TBL1Y: variants seen among roughly 807,000 people sequenced by gnomAD.
The protein encoded by TBL1Y is transducin beta like 1 Y-linked, also known as F-box-like/WD repeat-containing protein TBL1Y.
Under a neutral mutation model 12.0 loss-of-function variants are expected in TBL1Y, and 15 were observed. The observed-to-expected ratio is 1.25, with a 90% CI of 0.83 to 1.92. The LOEUF is 1.92. TBL1Y is among the 40% of genes most tolerant of loss of function. The pLI is 0.00. For missense variants in TBL1Y, 148 were observed against 116.7 expected, an observed-to-expected ratio of 1.27 and a Z score of -1.24; for synonymous variants, 53 against 42.6, an observed-to-expected ratio of 1.24 and a Z score of -0.95.
chrY:7,049,380 C>T (rs2012781989), intron 7 of TBL1Y, among the ~76,000 whole-genome samples: 1 of 33,469 alleles, frequency 3.0e-5, no homozygotes, highest in Admixed American at 2.7e-4. Flanking sequence ...ATATATAATC[C>T]TTTCTGAATA....
At chrY:6,964,485 G>C in intron 2 of TBL1Y, among the ~76,000 whole-genome samples, 1 of 33,308 alleles carries the variant, frequency 3.0e-5, no homozygotes, top group East Asian at 8.0e-4. Context: ...TTGATTGTTG[G>C]TTAATAGTGC....
intron 4 of TBL1Y, among the ~76,000 whole-genome samples, chrY:7,009,552 A>G: frequency 3.0e-5 from 1 of 33,562 alleles, no homozygotes; most frequent in African/African-American, 1.2e-4. Context: ...CTTGGTCTCC[A>G]TGAAACTTGG....
At chrY:7,039,046 C>A (rs2012709213) in intron 6 of TBL1Y, among the ~76,000 whole-genome samples, 1 of 33,334 alleles carries the variant, frequency 3.0e-5, no homozygotes, top group South Asian at 6.9e-4. Context: ...TTAATGTGTT[C>A]ATTAATTCTG....
chrY:7,061,373 C>G, intron 7 of TBL1Y, among the ~76,000 whole-genome samples: 1 of 32,100 alleles, frequency 3.1e-5, no homozygotes, highest in African/African-American at 1.2e-4. Flanking sequence ...TGGAGAAGAC[C>G]TTCATTATGA....
At chrY:7,091,430 G>A in intron 18 of TBL1Y, 42 bp from the exon 19 acceptor site, 1 of 368,428 alleles carries the variant, frequency 2.7e-6, no homozygotes, top group South Asian at 3.6e-5. Context: ...GGCATCTTTG[G>A]GTTATTTCTG....
chrY:6,918,393 T>C (rs778026452), intron 2 of TBL1Y, among the ~76,000 whole-genome samples: 2 of 32,738 alleles, frequency 6.1e-5, no homozygotes, highest in East Asian at 8.1e-4. Context: ...TATATTTTCA[T>C]GTATTTTGAA....
intron 3 of TBL1Y, among the ~76,000 whole-genome samples, chrY:6,981,845 T>A: frequency 3.0e-5 from 1 of 33,026 alleles, no homozygotes; most frequent in Non-Finnish European, 7.4e-5. Context: ...AATTATCAAA[T>A]GGTACACAAA....
chrY:6,917,448 G>C, intron 2 of TBL1Y, among the ~76,000 whole-genome samples: 5 of 33,482 alleles, frequency 1.5e-4, no homozygotes, highest in Admixed American at 1.4e-3. Context: ...CAAGGCCTGT[G>C]GGGGAGATGG....
chrY:6,975,203 C>T (rs902739264), intron 2 of TBL1Y, among the ~76,000 whole-genome samples: 1 of 33,481 alleles, frequency 3.0e-5, no homozygotes, highest in Non-Finnish European at 7.4e-5. Context: ...AGCTGTGTTT[C>T]GGATACTTGT....
intron 2 of TBL1Y, among the ~76,000 whole-genome samples, chrY:6,972,881 C>CT (rs2012216018): frequency 3.0e-5 from 1 of 33,576 alleles, no homozygotes. Context: ...AAGGAGAGTG[C>CT]AGCTTGCAAT....
chrY:7,036,521 G>A, intron 6 of TBL1Y, among the ~76,000 whole-genome samples: 1 of 33,690 alleles, frequency 3.0e-5, no homozygotes, highest in Non-Finnish European at 7.4e-5. Context: ...GGCAGGGGGT[G>A]ACAAGGGAAT....
intron 7 of TBL1Y, 128 bp from the exon 8 acceptor site, chrY:7,063,769 C>T (rs372124192): frequency 3.6e-4 from 80 of 221,129 alleles, no homozygotes; most frequent in African/African-American, 3.6e-3. Context: ...CCCCCGTGGC[C>T]CCCTGGCTGC....
intron 3 of TBL1Y, among the ~76,000 whole-genome samples, chrY:6,986,285 A>G (rs2012316661): frequency 3.0e-5 from 1 of 32,975 alleles, no homozygotes; most frequent in African/African-American, 1.2e-4. Flanking sequence ...ACACTTTGGG[A>G]GGCTGAGGTG....
At chrY:7,042,243 C>G in intron 6 of TBL1Y, among the ~76,000 whole-genome samples, 1 of 32,170 alleles carries the variant, frequency 3.1e-5, no homozygotes. Context: ...TGTGTGCTTG[C>G]AGGGGGTGAC....
intron 4 of TBL1Y, among the ~76,000 whole-genome samples, chrY:7,020,729 A>G (rs374348413): frequency 2.3e-4 from 8 of 34,115 alleles, no homozygotes; most frequent in African/African-American, 9.1e-4. Flanking sequence ...AATTTTTAAT[A>G]TAGAGGATGA....
chrY:6,922,654 GT>G (rs2011790425), intron 2 of TBL1Y, among the ~76,000 whole-genome samples: 1 of 34,369 alleles, frequency 2.9e-5, no homozygotes, highest in Admixed American at 2.6e-4. Context: ...CAAACCTCTA[GT>G]TAGACACAGA....
At chrY:6,986,390 G>A (rs2012317685) in intron 3 of TBL1Y, among the ~76,000 whole-genome samples, 1 of 33,111 alleles carries the variant, frequency 3.0e-5, no homozygotes, top group African/African-American at 1.2e-4. Context: ...AGCCAGGTAT[G>A]GTGGGGTCTG....
chrY:6,921,200 CTG>C, intron 2 of TBL1Y, among the ~76,000 whole-genome samples: 1 of 32,823 alleles, frequency 3.0e-5, no homozygotes, highest in Non-Finnish European at 7.5e-5. Flanking sequence ...AGCTGCTTGA[CTG>C]TGGTCATGCA....
intron 8 of TBL1Y, among the ~76,000 whole-genome samples, 191 bp downstream of exon 8, chrY:7,064,340 G>C (rs745621559): frequency 1.2e-4 from 4 of 33,229 alleles, no homozygotes; most frequent in East Asian, 1.6e-3. Context: ...CCTTCAACCA[G>C]ACCTTCTTTA....
Sources: gnomAD v4.1 joint callset for allele counts (sites outside exome capture counted in the v4.1 genomes callset) on GRCh38, gnomAD v4.1.1 for gene constraint, MANE v1.5 for transcripts, NCBI Gene and HGNC (gene_info 2026-07-23, HGNC 2026-07-21) for gene names.